RNF126: variants seen among roughly 807,000 people sequenced by gnomAD.
RNF126 encodes the protein ring finger protein 126.
In RNF126, 20 loss-of-function variants were observed where a neutral mutation model predicts 41.9. That is an observed-to-expected ratio of 0.48 (90% CI 0.34 to 0.69). The LOEUF (loss-of-function observed/expected upper bound fraction) is 0.69, where lower values mean the gene tolerates loss of function less well. Ranked by LOEUF, RNF126 falls within the 30% of genes least tolerant of loss-of-function variation. RNF126 has a pLI of 0.01. For synonymous variants in RNF126, 239 were observed against 202.9 expected (o/e 1.18, Z -1.51); for missense variants, 433 against 460.6 (o/e 0.94, Z 0.55).
At chr19:655,645 C>G (rs2030530483) in intron 1 of RNF126, among the ~76,000 whole-genome samples, 2 of 149,620 alleles carry the variant, frequency 1.3e-5, no homozygotes, top group African/African-American at 4.8e-5. Context: ...GCCCAGAAGT[C>G]CCCCAGATGG....
Position 647,715 on chromosome 19 carries a change from C to T in RNF126, c.*413G>A. On this transcript the variant is annotated 3_prime_UTR_variant, in exon 9 of 9. Coordinates refer to ENST00000292363, the MANE Select transcript of RNF126 (RefSeq NM_194460.3). ...GCCCACGTGGCCCGTCCTGGCGGCA[C>T]CTGCAGCACTGGGGGAGCCGCTGAA... The T allele has an allele frequency of 4.2e-6, 1 of 236,886 alleles. No individual in the cohort carries two copies. Among genetic ancestry groups the T allele is most frequent in the Non-Finnish European group, 8.5e-6 (1 of 117,020 alleles). The allele number at this position is 236,886 out of a possible 1,614,324, so 14.7% of individuals were successfully genotyped here.
intron 1 of RNF126, among the ~76,000 whole-genome samples, chr19:656,150 A>C (rs2030554675): frequency 6.6e-6 from 1 of 152,084 alleles, no homozygotes; most frequent in Non-Finnish European, 1.5e-5. Flanking sequence ...AATATACTAC[A>C]AACGTTTCAC....
At chr19:656,990 C>G (rs28418740) in intron 1 of RNF126, among the ~76,000 whole-genome samples, 5 of 152,142 alleles carry the variant, frequency 3.3e-5, no homozygotes, top group African/African-American at 1.2e-4. Flanking sequence ...TAGCTCAGGG[C>G]TCAGGCTCTC....
At chr19:649,855 C>G (rs904462612) in intron 5 of RNF126, 107 bp from the exon 6 acceptor site, 2 of 759,606 alleles carry the variant, frequency 2.6e-6, no homozygotes, top group African/African-American at 3.5e-5. Context: ...CAGGCACCCC[C>G]TCCTACTCAC....
At position 663,111 on chromosome 19, in the gene RNF126, G is replaced by A; in HGVS notation, c.11C>T (p.Ala4Val). MAE[A>V]SPHPGRYFCH... ...GAAGTACCGTCCGGGATGCGGCGAC[G>A]CCTCGGCCATGGCCGCCGCCACCTA... The change falls in exon 1 of 9, where the codon GCG becomes GTG. Residue 4 changes from alanine to valine, a missense_variant. Ala to Val is a moderately conservative substitution (Grantham distance 64, BLOSUM62 0). Transcript: ENST00000292363. 7.6e-7 allele frequency: 1 copy of A among 1,321,688 alleles called. No homozygotes were observed. The highest frequency in any genetic ancestry group is 9.7e-7 in the Non-Finnish European group (1 of 1,029,458). 81.9% of individuals were successfully genotyped at this position (1,321,688 alleles called of 1,614,324 possible).
chr19:657,680 G>T (rs2030618020), intron 1 of RNF126, among the ~76,000 whole-genome samples: 1 of 152,226 alleles, frequency 6.6e-6, no homozygotes, highest in Non-Finnish European at 1.5e-5. Context: ...TGCCATCGAG[G>T]ACGCCAAGGG....
intron 1 of RNF126, chr19:661,397 G>A (rs1400836350): frequency 2.6e-5 from 4 of 152,432 alleles, no homozygotes; most frequent in African/African-American, 4.8e-5. Flanking sequence ...CTCCTGCCAC[G>A]GCCAGTGGGG....
rs773900768 is a variant in RNF126 at position 648,329 on chromosome 19, G to A, written c.786+43C>T. On this transcript the variant is annotated intron_variant, in intron 8 of 8. Transcript: ENST00000292363. ...GAGAAGGGGCAGGTTAGAGGCGGGA[G>A]GGCCGCGGTCGGGGTGGGGGGGCGG... The A allele has an allele frequency of 5.2e-6, 8 of 1,526,076 alleles. No homozygotes were observed. The African/African-American group carries it at 5.6e-5, about 11-fold the overall frequency. 94.5% of individuals were successfully genotyped at this position (1,526,076 alleles called of 1,614,324 possible). A position where few individuals can be genotyped will look rare whatever the true frequency, so the allele number is the denominator to read the frequency against.
intron 8 of RNF126, 24 bp from the exon 9 acceptor site, chr19:648,301 C>A (rs201723696): frequency 5.5e-5 from 71 of 1,297,330 alleles, no homozygotes. Context: ...GAGGCAGGGA[C>A]GGGAGAAGGG....
chr19:656,769 G>A (rs980697078), intron 1 of RNF126, among the ~76,000 whole-genome samples: 1 of 152,184 alleles, frequency 6.6e-6, no homozygotes, highest in East Asian at 1.9e-4. Flanking sequence ...CTCCCCAGGC[G>A]TCGGTTCTTG....
rs114867103 is a variant in RNF126, at chr19:655,992, G to A, written c.76-3108C>T. Among the ~76,000 whole-genome samples, 565 of 152,132 alleles carry A rather than the reference G, an allele frequency of 3.7e-3. 4 individuals are homozygous for A. Among genetic ancestry groups the A allele is most frequent in the African/African-American group, 0.013 (534 of 41,496 alleles). ...GTCTATGAAATGTCCAGGACAGGCC[G>A]AGCCACAGAGACAGAGAGGGGATGT... On this transcript the variant is annotated intron_variant, in intron 1 of 8. Coordinates refer to ENST00000292363, the MANE Select transcript of RNF126 (RefSeq NM_194460.3).
chr19:660,632 A>G (rs1284203888), intron 1 of RNF126, among the ~76,000 whole-genome samples: 1 of 152,144 alleles, frequency 6.6e-6, no homozygotes, highest in Non-Finnish European at 1.5e-5. Context: ...ATTTCCCAGC[A>G]TAAAAAATTC....
intron 1 of RNF126, among the ~76,000 whole-genome samples, chr19:657,888 C>T (rs534548997): frequency 4.6e-5 from 7 of 152,230 alleles, no homozygotes; most frequent in South Asian, 4.1e-4. Flanking sequence ...GGTCTCCAGC[C>T]GCCCTCCTCC....
chr19:657,520 T>C (rs1477058000), intron 1 of RNF126, among the ~76,000 whole-genome samples: 1 of 152,180 alleles, frequency 6.6e-6, no homozygotes, highest in African/African-American at 2.4e-5. Flanking sequence ...ACCCTCTCTC[T>C]GCAGCACCCA....
chr19:651,715 C>G lies in RNF126; in HGVS notation c.339G>C (p.Glu113Asp). ...DDGRDPESRRERDHPSRHRYG... is the reference protein window; with the variant it reads ...DDGRDPESRRDRDHPSRHRYG... ...ACCGGTGCCGGGACGGATGGTCTCT[C>G]TCCCGCCGGCTCTCAGGGTCCCTGC... The change falls in exon 4 of 9, where the codon GAG (glutamate) becomes GAC (aspartate). Residue 113 changes from glutamate to aspartate, a missense_variant. Glu to Asp is a conservative substitution (Grantham distance 45). This residue lies in a region of RNF126 where 247 missense variants were observed against 224.7 expected (regional missense o/e 1.10). Transcript: ENST00000292363. 1.9e-6 allele frequency: 3 copies of G among 1,609,842 alleles called. No individual in the cohort carries two copies. Among genetic ancestry groups the G allele is most frequent in the Admixed American group, 1.7e-5 (1 of 59,754 alleles).
intron 1 of RNF126, chr19:661,441 T>C (rs1044174689): frequency 2.6e-5 from 4 of 152,284 alleles, no homozygotes; most frequent in African/African-American, 9.7e-5. Context: ...GCGAGACCCC[T>C]GGGAGACAGA....
chr19:657,544 G>GCCTGTGCACGTCGGCC (rs2030610654), intron 1 of RNF126, among the ~76,000 whole-genome samples: 3 of 152,206 alleles, frequency 2.0e-5, no homozygotes, highest in Admixed American at 2.0e-4. Context: ...CAGCGTCGGG[G>GCCTGTGCACGTCGGCC]CCTGTGCACG....
rs1356805453 is a variant in RNF126, at chr19:648,068, G to C, written c.*60C>G. The C allele has an allele frequency of 2.7e-6, 4 of 1,485,576 alleles. No homozygotes were observed. In the African/African-American group the frequency reaches 5.6e-5, roughly 21 times the overall value. The allele number at this position is 1,485,576 out of a possible 1,614,324, so 92.0% of individuals were successfully genotyped here. A position where few individuals can be genotyped will look rare whatever the true frequency, so the allele number is the denominator to read the frequency against. ...GGGGCACCCAGTCTGTGGGTGCCGT[G>C]TGGCGCTGGCTGAGGGTGGGTGGGA... On this transcript the variant is annotated 3_prime_UTR_variant, in exon 9 of 9. Transcript: ENST00000292363.
At chr19:662,677 G>A (rs376048427) in intron 1 of RNF126, among the ~76,000 whole-genome samples, 2 of 152,124 alleles carry the variant, frequency 1.3e-5, no homozygotes, top group Non-Finnish European at 2.9e-5. Context: ...CTGCTCGCCG[G>A]GCCTCAGTTT....
Sources: gnomAD v4.1 joint callset for allele counts (sites outside exome capture counted in the v4.1 genomes callset) on GRCh38, gnomAD v4.1.1 for gene constraint, gnomAD v4.1.1 regional missense constraint, MANE v1.5 for transcripts, NCBI Gene and HGNC (gene_info 2026-07-23, HGNC 2026-07-21) for gene names.